Variants in TMEM116 observed in about 807,000 individuals in gnomAD.
The protein encoded by TMEM116 is transmembrane protein 116.
In TMEM116, 38 loss-of-function variants were observed where a neutral mutation model predicts 44.3. The ratio of observed to expected loss-of-function variants is 0.86; its 90% CI spans 0.66 to 1.12. The LOEUF (loss-of-function observed/expected upper bound fraction) is 1.12. TMEM116 is among the 50% of genes most tolerant of loss of function. The pLI is 0.00. For missense variants in TMEM116, 354 were observed against 401.7 expected, an observed-to-expected ratio of 0.88 and a Z score of 1.01; for synonymous variants, 132 against 144.8, an observed-to-expected ratio of 0.91 and a Z score of 0.64.
chr12:111,946,668 G>A (rs1263852980), intron 4 of TMEM116, among the ~76,000 whole-genome samples: 4 of 152,188 alleles, frequency 2.6e-5, no homozygotes, highest in African/African-American at 9.6e-5. Context: ...TTTATGGCCA[G>A]TTTGGGATTT....
intron 1 of TMEM116, among the ~76,000 whole-genome samples, chr12:112,009,529 T>A (rs1358071621): frequency 7.0e-6 from 1 of 143,210 alleles, no homozygotes; most frequent in African/African-American, 2.8e-5. Flanking sequence ...TCAGCATGGG[T>A]TTACTTAAAA....
chr12:111,989,579 G>A (rs1343730475), intron 4 of TMEM116, among the ~76,000 whole-genome samples: 11 of 152,142 alleles, frequency 7.2e-5, no homozygotes, highest in Non-Finnish European at 1.5e-4. Context: ...ACAATCTCTA[G>A]AGAGTTACAA....
At chr12:112,002,309 C>T (rs1237192693) in intron 3 of TMEM116, among the ~76,000 whole-genome samples, 1 of 150,154 alleles carries the variant, frequency 6.7e-6, no homozygotes, top group Admixed American at 6.7e-5. Flanking sequence ...AGGAGAATTG[C>T]TTGAACCCAG....
At chr12:111,999,965 C>T (rs954187323) in intron 3 of TMEM116, among the ~76,000 whole-genome samples, 1 of 151,808 alleles carries the variant, frequency 6.6e-6, no homozygotes, top group East Asian at 1.9e-4. Context: ...ATTTATGCTG[C>T]TTTTTTTTGT....
intron 4 of TMEM116, among the ~76,000 whole-genome samples, chr12:111,970,347 C>G (rs1163223968): frequency 6.6e-6 from 1 of 150,916 alleles, no homozygotes; most frequent in Non-Finnish European, 1.5e-5. Flanking sequence ...AAAAAGCATG[C>G]AAAACTGCAA....
At chr12:111,942,984 G>C (rs990803012) in intron 5 of TMEM116, among the ~76,000 whole-genome samples, 5 of 151,544 alleles carry the variant, frequency 3.3e-5, no homozygotes, top group Non-Finnish European at 5.9e-5. Context: ...TTGAGACAGG[G>C]TCTGTCTCTG....
chr12:111,952,817 T>C (rs74445700), intron 4 of TMEM116, among the ~76,000 whole-genome samples: 2,331 of 152,312 alleles, frequency 0.015, 68 homozygotes, highest in African/African-American at 0.053. Context: ...CAGCCTATTG[T>C]GGGACTTTGT....
chr12:111,940,459 C>A (rs2072636497), intron 5 of TMEM116, among the ~76,000 whole-genome samples: 1 of 130,436 alleles, frequency 7.7e-6, no homozygotes, highest in Non-Finnish European at 1.6e-5. Flanking sequence ...ATCTCCTGCC[C>A]CCCACATATA....
intron 5 of TMEM116, among the ~76,000 whole-genome samples, chr12:111,942,654 G>A (rs2136273169): frequency 6.6e-6 from 1 of 152,302 alleles, no homozygotes; most frequent in Middle Eastern, 3.4e-3. Flanking sequence ...ATAAATAACA[G>A]AACTGGGTCT....
chr12:112,004,671 T>C (rs1013305049), intron 2 of TMEM116, among the ~76,000 whole-genome samples: 1 of 151,068 alleles, frequency 6.6e-6, no homozygotes, highest in Admixed American at 6.6e-5. Flanking sequence ...TTTTTTTTAA[T>C]TTTTTTTGAG....
At chr12:112,000,301 A>G (rs1017925203) in intron 3 of TMEM116, among the ~76,000 whole-genome samples, 2 of 152,216 alleles carry the variant, frequency 1.3e-5, no homozygotes, top group African/African-American at 4.8e-5. Context: ...AATCCTTTAA[A>G]TTTTATCTAG....
intron 4 of TMEM116, among the ~76,000 whole-genome samples, chr12:111,985,358 T>C (rs1374995344): frequency 6.6e-6 from 1 of 151,848 alleles, no homozygotes. Context: ...AAAATCAACA[T>C]GCAAAAATCA....
At chr12:111,993,805 T>C in intron 3 of TMEM116, 2 of 742,744 alleles carry the variant, frequency 2.7e-6, no homozygotes, top group Non-Finnish European at 5.1e-6. Context: ...TGGAGTGTTT[T>C]GTGCAATTGT....
In TMEM116 at chr12:112,013,103, G is replaced by A. The variant is rs2077929902; in HGVS notation, c.-135C>T. ...TCGAAGGAGAGGAAGGACAGCAAAC[G>A]AATTGCTATAGCGTCCCCATGCGCA... On this transcript the variant is annotated 5_prime_UTR_variant, in exon 1 of 11. Transcript: ENST00000552374. The A allele has an allele frequency of 4.3e-6, 1 of 233,820 alleles. No individual in the cohort carries two copies. The highest frequency in any genetic ancestry group is 1.3e-4 in the South Asian group (1 of 7,434). 14.5% of individuals were successfully genotyped at this position (233,820 alleles called of 1,614,324 possible).
intron 6 of TMEM116, 141 bp downstream of exon 6, chr12:111,938,020 C>T (rs1292926109): frequency 6.4e-6 from 3 of 465,428 alleles, no homozygotes; most frequent in Admixed American, 4.2e-5. Flanking sequence ...GCAATGAACA[C>T]GTATTTGTTG....
At chr12:111,976,253 G>A (rs1456425505) in intron 4 of TMEM116, among the ~76,000 whole-genome samples, 3 of 152,012 alleles carry the variant, frequency 2.0e-5, no homozygotes, top group Non-Finnish European at 2.9e-5. Flanking sequence ...TAATCTGCCC[G>A]AGAAACCCAC....
At chr12:112,009,806 T>A (rs2077755315) in intron 1 of TMEM116, among the ~76,000 whole-genome samples, 1 of 150,344 alleles carries the variant, frequency 6.7e-6, no homozygotes. Flanking sequence ...AGATCAGGCC[T>A]CTGAACTCCA....
At position 111,940,552 on chromosome 12, in the gene TMEM116, C is replaced by T. The variant is rs1315183858; in HGVS notation, c.316-2342G>A. ...ATATATATATATATATATACACACA[C>T]ACATATATATGTGTGTATATATATA... is the stretch of plus-strand genomic sequence containing the variant. On this transcript the variant is annotated intron_variant, in intron 5 of 10. Coordinates refer to ENST00000552374, the MANE Select transcript of TMEM116 (RefSeq NM_001193531.2). 7.6e-3 allele frequency among the ~76,000 whole-genome samples: 977 copies of T among 128,968 alleles called. 15 individuals carry two copies. Among genetic ancestry groups the T allele is most frequent in the African/African-American group, 0.029 (924 of 32,206 alleles). The allele number at this position is 128,968 out of a possible 152,430, so 84.6% of individuals were successfully genotyped here.
At chr12:111,956,174 T>C (rs1467172471) in intron 4 of TMEM116, among the ~76,000 whole-genome samples, 2 of 152,206 alleles carry the variant, frequency 1.3e-5, no homozygotes, top group African/African-American at 4.8e-5. Flanking sequence ...TCTGATCAGC[T>C]ATGGGTTTCC....
Sources: allele counts gnomAD v4.1 joint callset (sites outside exome capture counted in the v4.1 genomes callset), GRCh38; gene constraint gnomAD v4.1.1; transcripts MANE v1.5; gene names NCBI Gene and HGNC (gene_info 2026-07-23, HGNC 2026-07-21).